The following NEBL variants were observed in gnomAD, a reference collection of about 807,000 sequenced individuals.
NEBL encodes nebulette, also known as LIM and SH3 protein 2.
NEBL carries 122 observed loss-of-function variants against 140.2 expected under a neutral mutation model. The ratio of observed to expected loss-of-function variants is 0.87; its 90% CI spans 0.75 to 1.01. The LOEUF is 1.01. Ranked by LOEUF, NEBL falls within the 50% of genes least tolerant of loss-of-function variation. NEBL has a pLI of 0.00. For synonymous variants in NEBL, 436 were observed against 398.9 expected (o/e 1.09, Z -1.11); for missense variants, 1,365 against 1,231.3 (o/e 1.11, Z -1.62).
At chr10:21,090,137 C>T (rs1836842539) in intron 2 of NEBL, among the ~76,000 whole-genome samples, 2 of 152,162 alleles carry the variant, frequency 1.3e-5, no homozygotes, top group Admixed American at 1.3e-4. Context: ...AAAGTCCTGT[C>T]CGGTTAGGCC....
intron 1 of NEBL, among the ~76,000 whole-genome samples, chr10:21,286,408 T>C (rs1588602047): frequency 6.6e-6 from 1 of 152,252 alleles, no homozygotes; most frequent in Non-Finnish European, 1.5e-5. Flanking sequence ...TATGTCTCCA[T>C]TGATATCCTA....
Position 20,946,232 on chromosome 10 carries a change from A to G in NEBL, c.357+15440T>C, listed in dbSNP as rs534534227. On this transcript the variant is annotated intron_variant, in intron 4 of 6. Coordinates refer to the NEBL transcript ENST00000417816. ...GCCCATCGTGTTTCCTCCAAAGTCT[A>G]CATGTTGTTTCTGCACATGGAAATT... is the stretch of plus-strand genomic sequence containing the variant. 3.3e-5 allele frequency among the ~76,000 whole-genome samples: 5 copies of G among 152,276 alleles called. No individual in the cohort carries two copies. In the East Asian group the frequency reaches 9.6e-4, roughly 29 times the overall value.
chr10:20,802,220 A>T (rs1371269264), intron 26 of NEBL, among the ~76,000 whole-genome samples: 1 of 152,236 alleles, frequency 6.6e-6, no homozygotes, highest in Non-Finnish European at 1.5e-5. Flanking sequence ...GGAAGCAGAT[A>T]CACATTGCAG....
intron 2 of NEBL, among the ~76,000 whole-genome samples, chr10:21,093,596 G>C (rs114458077): frequency 0.013 from 1,960 of 152,268 alleles, 43 homozygotes; most frequent in African/African-American, 0.044. Context: ...CAACCAGATG[G>C]GGGTCACAGC....
chr10:20,846,377 G>A (rs1486942234), intron 11 of NEBL, among the ~76,000 whole-genome samples: 1 of 152,142 alleles, frequency 6.6e-6, no homozygotes, highest in Non-Finnish European at 1.5e-5. Context: ...ATAGAGATAG[G>A]TAATTTTATA....
At chr10:21,163,171 T>C (rs1289083971) in intron 2 of NEBL, among the ~76,000 whole-genome samples, 3 of 152,172 alleles carry the variant, frequency 2.0e-5, no homozygotes, top group Admixed American at 6.5e-5. Context: ...AGAAGGTAGA[T>C]TGTGAAAGGC....
chr10:20,791,370 A>G (rs886490431), intron 26 of NEBL, among the ~76,000 whole-genome samples: 1 of 152,126 alleles, frequency 6.6e-6, no homozygotes, highest in African/African-American at 2.4e-5. Flanking sequence ...ATAAAAGAGA[A>G]GATGAAAAGG....
intron 5 of NEBL, among the ~76,000 whole-genome samples, chr10:20,870,631 C>A (rs1844827404): frequency 6.6e-6 from 1 of 152,168 alleles, no homozygotes; most frequent in Non-Finnish European, 1.5e-5. Context: ...GCCCTTTCAA[C>A]TACACACTTC....
intron 2 of NEBL, among the ~76,000 whole-genome samples, chr10:21,152,067 A>C (rs1478783171): frequency 1.3e-5 from 2 of 152,176 alleles, no homozygotes; most frequent in Non-Finnish European, 2.9e-5. Flanking sequence ...GAATTCCATC[A>C]TTACTGAATA....
intron 4 of NEBL, among the ~76,000 whole-genome samples, chr10:20,885,359 C>T (rs1846413714): frequency 6.6e-6 from 1 of 152,170 alleles, no homozygotes; most frequent in South Asian, 2.1e-4. Context: ...TTTGAAGTAG[C>T]CGCCTTATTC....
chr10:21,226,799 G>A (rs989179623), intron 3 of NEBL, among the ~76,000 whole-genome samples: 1 of 152,160 alleles, frequency 6.6e-6, no homozygotes, highest in Non-Finnish European at 1.5e-5. Flanking sequence ...ACCCTCTTCA[G>A]TGCCTGTTTT....
intron 2 of NEBL, among the ~76,000 whole-genome samples, chr10:21,121,992 G>A (rs1308366578): frequency 7.0e-6 from 1 of 143,536 alleles, no homozygotes; most frequent in Non-Finnish European, 1.5e-5. Context: ...GGAATGTGGG[G>A]ATTTCTCCTG....
chr10:20,788,349 A>C (rs1172053786), intron 26 of NEBL, among the ~76,000 whole-genome samples: 1 of 152,208 alleles, frequency 6.6e-6, no homozygotes, highest in East Asian at 1.9e-4. Flanking sequence ...TTGAGTATAT[A>C]AAGTAATTAT....
intron 2 of NEBL, among the ~76,000 whole-genome samples, chr10:21,069,755 T>C (rs1037528765): frequency 2.0e-5 from 3 of 152,242 alleles, no homozygotes; most frequent in Admixed American, 2.0e-4. Flanking sequence ...TCTAACCTTC[T>C]ATAGAACAAA....
intron 16 of NEBL, 45 bp downstream of exon 16, chr10:20,831,151 T>G (rs773423659): frequency 5.4e-6 from 7 of 1,303,850 alleles, no homozygotes; most frequent in South Asian, 1.2e-5. Flanking sequence ...CATGGCAACA[T>G]GACATTGGAA....
intron 3 of NEBL, among the ~76,000 whole-genome samples, chr10:20,999,282 A>G (rs1242347563): frequency 6.6e-6 from 1 of 152,088 alleles, no homozygotes; most frequent in Non-Finnish European, 1.5e-5. Flanking sequence ...CAGTGATGCT[A>G]TATTCTCCCA....
At chr10:21,114,160 C>T (rs544780700) in intron 2 of NEBL, among the ~76,000 whole-genome samples, 1 of 152,002 alleles carries the variant, frequency 6.6e-6, no homozygotes, top group Admixed American at 6.6e-5. Flanking sequence ...TCTAATTTCA[C>T]TTGTGATTTT....
intron 3 of NEBL, among the ~76,000 whole-genome samples, chr10:21,013,551 G>A (rs940003843): frequency 2.0e-5 from 3 of 152,154 alleles, no homozygotes; most frequent in African/African-American, 7.2e-5. Context: ...CAGTGTTTGT[G>A]TTTAGAAGTC....
intron 12 of NEBL, chr10:20,841,705 G>T (rs1406673515): frequency 6.6e-6 from 1 of 152,120 alleles, no homozygotes; most frequent in Non-Finnish European, 1.5e-5. Flanking sequence ...GACCAAAAAG[G>T]AGATGCAATC....
Sources: gnomAD v4.1 joint callset for allele counts (sites outside exome capture counted in the v4.1 genomes callset) on GRCh38, gnomAD v4.1.1 for gene constraint, MANE v1.5 for transcripts, NCBI Gene and HGNC (gene_info 2026-07-23, HGNC 2026-07-21) for gene names.